RMC1: variants seen among roughly 807,000 people sequenced by gnomAD.
RMC1 encodes regulator of MON1-CCZ1 complex.
A neutral mutation model predicts 95.5 loss-of-function variants in RMC1; 44 were observed. The ratio of observed to expected loss-of-function variants is 0.46; its 90% CI spans 0.36 to 0.59. RMC1 has a LOEUF of 0.59. Ranked by LOEUF, RMC1 falls within the 20% of genes least tolerant of loss-of-function variation. RMC1 has a pLI of 0.00. For missense variants in RMC1, 705 were observed against 819.6 expected (o/e 0.86, Z 1.71); for synonymous variants, 320 against 303.6 (o/e 1.05, Z -0.56).
chr18:23,526,623 C>T lies in RMC1; in HGVS notation c.1061-14C>T. 1 of 1,612,786 alleles carries T rather than the reference C, an allele frequency of 6.2e-7. No homozygotes were observed. The highest frequency in any genetic ancestry group is 8.5e-7 in the Non-Finnish European group (1 of 1,179,418). On this transcript the variant is annotated splice_polypyrimidine_tract_variant and intron_variant, in intron 12 of 19. Coordinates refer to ENST00000269221, the MANE Select transcript of RMC1 (RefSeq NM_013326.5). ...TGCATCATACTGTTTTATTTGCTGC[C>T]TCTTAAAATCCAGGTTACCTCTGGA...
intron 14 of RMC1, 176 bp from the exon 15 acceptor site, chr18:23,529,003 C>T: frequency 9.8e-7 from 1 of 1,018,220 alleles, no homozygotes; most frequent in South Asian, 1.7e-5. Context: ...CCTCAGCCTC[C>T]TGAGTAGCTG....
rs569270399 is a variant in RMC1 at position 23,511,573 on chromosome 18, A to G, written c.408+2294A>G. Among the ~76,000 whole-genome samples, 54 of 152,322 alleles carry G rather than the reference A, an allele frequency of 3.5e-4. No individual in the cohort carries two copies. In the South Asian group the frequency reaches 8.7e-3, roughly 25 times the overall value. On this transcript the variant is annotated intron_variant, in intron 5 of 19. Transcript: ENST00000269221. ...ATAATTATTATGAACAGTTTGGTGC[A>G]TATTCCTCTATTTTTAAAAATAAAT... is the stretch of plus-strand genomic sequence containing the variant.
intron 10 of RMC1, among the ~76,000 whole-genome samples, chr18:23,522,099 A>C (rs1428472936): frequency 2.0e-5 from 3 of 152,254 alleles, no homozygotes; most frequent in Admixed American, 2.0e-4. Flanking sequence ...AAAGTTCAGC[A>C]AGAGCACCAT....
At chr18:23,504,689 T>A (rs2057669902) in intron 2 of RMC1, 1 of 385,624 alleles carries the variant, frequency 2.6e-6, no homozygotes, top group Admixed American at 3.8e-5. Context: ...GGGCAGCCAC[T>A]TCCTAGCACT....
chr18:23,525,112 A>C (rs1225402419), intron 12 of RMC1, among the ~76,000 whole-genome samples: 1 of 151,218 alleles, frequency 6.6e-6, no homozygotes. Flanking sequence ...ACGCCCAGCT[A>C]ATTTTGTATT....
intron 16 of RMC1, 56 bp from the exon 17 acceptor site, chr18:23,529,972 T>G (rs2058440129): frequency 1.4e-6 from 2 of 1,476,706 alleles, no homozygotes; most frequent in Non-Finnish European, 9.4e-7. Context: ...GAGCCTCTAG[T>G]CTGTTGTAGC....
chr18:23,526,575 A>G, intron 12 of RMC1, 62 bp from the exon 13 acceptor site: 1 of 1,582,054 alleles, frequency 6.3e-7, no homozygotes, highest in Non-Finnish European at 8.6e-7. Flanking sequence ...TAGGGGAACC[A>G]CTTTTGGGCT....
intron 5 of RMC1, among the ~76,000 whole-genome samples, chr18:23,515,260 C>G (rs1262470361): frequency 6.6e-6 from 1 of 152,198 alleles, no homozygotes; most frequent in Non-Finnish European, 1.5e-5. Flanking sequence ...AAACAGCCTA[C>G]CCAGGCTATA....
At position 23,530,109 on chromosome 18, in the gene RMC1, G is replaced by A. The variant is rs73967112; in HGVS notation, c.1576G>A (p.Val526Ile). Residue 526 changes from valine (V) to isoleucine (I), a missense_variant, in exon 17 of 20, where the codon GTC becomes ATC. Coordinates refer to ENST00000269221, the MANE Select transcript of RMC1 (RefSeq NM_013326.5). Reference sequence around the variant, plus strand: ...GCTGCATCAGTTCCTGCAGTACCACGTCCTCAGCGACTCCAAACCTTTGGT... The same window carrying A: ...GCTGCATCAGTTCCTGCAGTACCACATCCTCAGCGACTCCAAACCTTTGGT... ...YMLHQFLQYH[V>I]LSDSKPLACL... 5.3e-4 allele frequency: 851 copies of A among 1,614,116 alleles called. 6 individuals carry two copies. The African/African-American group carries it at 0.01, about 19-fold the overall frequency.
chr18:23,504,072 A>G (rs895732907), intron 1 of RMC1, among the ~76,000 whole-genome samples: 2 of 152,188 alleles, frequency 1.3e-5, no homozygotes, highest in African/African-American at 4.8e-5. Flanking sequence ...TTTCCTTGAA[A>G]TTTTGTAAAG....
At chr18:23,517,976 C>T (rs2058053621) in intron 7 of RMC1, among the ~76,000 whole-genome samples, 1 of 152,214 alleles carries the variant, frequency 6.6e-6, no homozygotes. Context: ...CCTCATCCTC[C>T]CAAAGTGCTG....
intron 7 of RMC1, among the ~76,000 whole-genome samples, chr18:23,517,229 A>C (rs1335679718): frequency 2.6e-5 from 4 of 151,578 alleles, no homozygotes; most frequent in African/African-American, 9.7e-5. Context: ...GGCTCACTGC[A>C]ACCTCCGCCT....
intron 5 of RMC1, among the ~76,000 whole-genome samples, chr18:23,515,226 G>A (rs539875834): frequency 6.6e-6 from 1 of 152,308 alleles, no homozygotes; most frequent in East Asian, 1.9e-4. Context: ...GGCATGTGGA[G>A]GCACAGATAA....
In RMC1 at chr18:23,503,589, G is replaced by C; in HGVS notation, c.-30G>C. The C allele has an allele frequency of 3.9e-6, 6 of 1,525,298 alleles. No homozygotes were observed. The highest frequency in any genetic ancestry group is 2.1e-4 in the Middle Eastern group (1 of 4,788). The allele number at this position is 1,525,298 out of a possible 1,614,324, so 94.5% of individuals were successfully genotyped here. On this transcript the variant is annotated 5_prime_UTR_variant, in exon 1 of 20. Coordinates refer to ENST00000269221, the MANE Select transcript of RMC1 (RefSeq NM_013326.5). ...CTGCTCCACTCTGGCGACCGCCCCC[G>C]GGGCCCCCGCCGCGGGCGCGGCGCC...
chr18:23,515,010 T>C (rs2057962380), intron 5 of RMC1, among the ~76,000 whole-genome samples: 1 of 152,104 alleles, frequency 6.6e-6, no homozygotes, highest in South Asian at 2.1e-4. Context: ...TGAACACATC[T>C]GCTAGAAGAA....
At chr18:23,508,195 G>A (rs927413326) in intron 4 of RMC1, among the ~76,000 whole-genome samples, 154 bp downstream of exon 4, 4 of 152,192 alleles carry the variant, frequency 2.6e-5, no homozygotes, top group African/African-American at 9.6e-5. Flanking sequence ...CGGGGTGTTT[G>A]CTTTGTGACA....
In RMC1 at chr18:23,530,559, G is replaced by A. The variant is rs1228457877; in HGVS notation, c.1841G>A (p.Arg614His). 2.5e-5 allele frequency: 40 copies of A among 1,613,992 alleles called. No homozygotes were observed. Among genetic ancestry groups the A allele is most frequent in the Admixed American group, 3.3e-5 (2 of 59,974 alleles). Residue 614 changes from arginine to histidine, a missense_variant, in exon 19 of 20, where the codon CGC becomes CAC. Coordinates refer to ENST00000269221, the MANE Select transcript of RMC1 (RefSeq NM_013326.5). Reference protein sequence around the residue: ...EDNMLFYTIFRFFEQRNQRLR... With the variant: ...EDNMLFYTIFHFFEQRNQRLR... ...AACATGCTTTTCTATACAATATTCC[G>A]CTTTTTTGAACAGCGAAACCAGCGT...
intron 5 of RMC1, chr18:23,509,691 T>A (rs1257146188): frequency 6.6e-6 from 1 of 152,340 alleles, no homozygotes; most frequent in African/African-American, 2.4e-5. Flanking sequence ...GCCTCGTGAG[T>A]AGATGGGATT....
intron 10 of RMC1, among the ~76,000 whole-genome samples, chr18:23,523,312 GGTT>G (rs1283284139): frequency 2.6e-5 from 4 of 152,016 alleles, no homozygotes; most frequent in African/African-American, 9.7e-5. Context: ...CAGTATAACT[GGTT>G]GTTAACGGTC....
Sources: allele counts gnomAD v4.1 joint callset (sites outside exome capture counted in the v4.1 genomes callset), GRCh38; gene constraint gnomAD v4.1.1; transcripts MANE v1.5; gene names NCBI Gene and HGNC (gene_info 2026-07-23, HGNC 2026-07-21).